Variants in GRB10 observed in about 807,000 individuals in gnomAD.
GRB10 encodes the protein growth factor receptor-bound protein 10.
A neutral mutation model predicts 80.9 loss-of-function variants in GRB10; 20 were observed. The ratio of observed to expected loss-of-function variants is 0.25; its 90% CI spans 0.17 to 0.36. GRB10 has a LOEUF of 0.36. GRB10 is among the 10% of genes least tolerant of loss of function. The pLI is 1.00. For synonymous variants in GRB10, 291 were observed against 291.5 expected (o/e 1.00, Z 0.02); for missense variants, 548 against 747.7 (o/e 0.73, Z 3.12).
intron 7 of GRB10, among the ~76,000 whole-genome samples, chr7:50,662,092 T>G (rs2153629872): frequency 6.6e-6 from 1 of 152,342 alleles, no homozygotes; most frequent in Non-Finnish European, 1.5e-5. Flanking sequence ...CTGGTGTTAC[T>G]ACTGTCATTA....
At position 50,591,765 on chromosome 7, in the gene GRB10, A is replaced by C. The variant is rs1185949069; in HGVS notation, c.*1187T>G. On this transcript the variant is annotated 3_prime_UTR_variant, in exon 19 of 19. Transcript: ENST00000401949. ...AGGAGCCTCTAGCTGCTCTGTGTTC[A>C]CTGGCTTATGGGGGTTTTCAGCAGG... 6.6e-6 allele frequency: 1 copy of C among 152,204 alleles called. No individual in the cohort carries two copies. Among genetic ancestry groups the C allele is most frequent in the Admixed American group, 6.5e-5 (1 of 15,278 alleles). The allele number at this position is 152,204 out of a possible 1,614,324, so 9.4% of individuals were successfully genotyped here.
chr7:50,766,458 G>A (rs1188872963), intron 2 of GRB10, among the ~76,000 whole-genome samples: 1 of 151,652 alleles, frequency 6.6e-6, no homozygotes, highest in Non-Finnish European at 1.5e-5. Context: ...TCCCTTAAAG[G>A]AGTTTTAAAA....
At chr7:50,630,700 T>C (rs1367450644) in intron 7 of GRB10, among the ~76,000 whole-genome samples, 1 of 152,146 alleles carries the variant, frequency 6.6e-6, no homozygotes, top group African/African-American at 2.4e-5. Context: ...AGCCCCTAAA[T>C]AGCAAATTGT....
intron 6 of GRB10, 133 bp from the exon 7 acceptor site, chr7:50,669,996 G>C: frequency 2.6e-6 from 3 of 1,150,688 alleles, no homozygotes; most frequent in Non-Finnish European, 3.8e-6. Flanking sequence ...GTTCACAGTG[G>C]CATCCTTCAC....
At chr7:50,739,150 G>C (rs2071308353) in intron 3 of GRB10, among the ~76,000 whole-genome samples, 1 of 152,146 alleles carries the variant, frequency 6.6e-6, no homozygotes, top group Non-Finnish European at 1.5e-5. Context: ...AGCTGAAGTT[G>C]AACGTCTTTG....
In GRB10 at chr7:50,720,527, C is replaced by A. The variant is rs548461406; in HGVS notation, c.51+11745G>T. Among the ~76,000 whole-genome samples the A allele has an allele frequency of 2.1e-4, 32 of 152,230 alleles. 1 individual carries two copies. The highest frequency in any genetic ancestry group is 2.1e-3 in the South Asian group (10 of 4,814). ...AAAGGCCCAGAGAGCAGAGGACAGG[C>A]ACATCCCGGACGGGGAGCCCAGCAC... On this transcript the variant is annotated intron_variant, in intron 4 of 18. Transcript: ENST00000401949.
intron 4 of GRB10, among the ~76,000 whole-genome samples, chr7:50,716,224 C>T (rs572852437): frequency 1.0e-3 from 152 of 152,316 alleles, no homozygotes; most frequent in African/African-American, 2.2e-3. Flanking sequence ...CAAGACAGCC[C>T]TCAGAAGGGT....
At chr7:50,729,962 T>G (rs142404046) in intron 4 of GRB10, among the ~76,000 whole-genome samples, 1 of 152,066 alleles carries the variant, frequency 6.6e-6, no homozygotes, top group East Asian at 1.9e-4. Context: ...ATCACAGCCC[T>G]TGACTCAGCT....
intron 4 of GRB10, among the ~76,000 whole-genome samples, chr7:50,715,182 A>G (rs1233185585): frequency 1.3e-5 from 2 of 151,354 alleles, no homozygotes; most frequent in African/African-American, 4.9e-5. Context: ...CTGGAGCTCC[A>G]GCCTGGGGCT....
chr7:50,717,478 CGTCACA>C (rs1170721482), intron 4 of GRB10, among the ~76,000 whole-genome samples: 1 of 152,006 alleles, frequency 6.6e-6, no homozygotes, highest in African/African-American at 2.4e-5. Flanking sequence ...CATGCGCATG[CGTCACA>C]GTCACATATA....
intron 5 of GRB10, among the ~76,000 whole-genome samples, chr7:50,688,179 A>T (rs2062334827): frequency 6.6e-6 from 1 of 152,248 alleles, no homozygotes; most frequent in Non-Finnish European, 1.5e-5. Flanking sequence ...CCACACAGCT[A>T]TGAGTAAAAC....
At chr7:50,594,721 A>G (rs1486772540) in intron 18 of GRB10, among the ~76,000 whole-genome samples, 1 of 152,236 alleles carries the variant, frequency 6.6e-6, no homozygotes, top group Non-Finnish European at 1.5e-5. Flanking sequence ...CACTCTAATC[A>G]TGAACTAGAA....
At chr7:50,716,233 G>T (rs927558672) in intron 4 of GRB10, among the ~76,000 whole-genome samples, 3 of 152,162 alleles carry the variant, frequency 2.0e-5, no homozygotes, top group African/African-American at 7.2e-5. Flanking sequence ...CCTCAGAAGG[G>T]TCCTGCCTCA....
intron 7 of GRB10, among the ~76,000 whole-genome samples, chr7:50,653,647 G>A (rs2058279864): frequency 1.3e-5 from 2 of 152,118 alleles, no homozygotes; most frequent in African/African-American, 4.8e-5. Context: ...TCCTCCCCTT[G>A]GAAATTGCCA....
chr7:50,685,812 A>G (rs1310478568), intron 5 of GRB10, among the ~76,000 whole-genome samples: 24 of 152,210 alleles, frequency 1.6e-4, no homozygotes, highest in Admixed American at 1.6e-3. Context: ...GTACCAGGCG[A>G]TTCCAAGAAA....
At chr7:50,747,114 A>C (rs1398231174) in intron 3 of GRB10, among the ~76,000 whole-genome samples, 1 of 152,052 alleles carries the variant, frequency 6.6e-6, no homozygotes, top group African/African-American at 2.4e-5. Context: ...AATTCTCTCT[A>C]AACTTATTTG....
chr7:50,618,067 G>A lies in GRB10; in HGVS notation c.846+4C>T. The A allele has an allele frequency of 1.2e-6, 2 of 1,609,772 alleles. No homozygotes were observed. Among genetic ancestry groups the A allele is most frequent in the Non-Finnish European group, 1.7e-6 (2 of 1,176,026 alleles). On this transcript the variant is annotated splice_donor_region_variant and intron_variant, in intron 10 of 18. Coordinates refer to ENST00000401949, the MANE Select transcript of GRB10 (RefSeq NM_001350814.2). ...TTCAGCAGAGATCTATTGTGGCCCA[G>A]TACCTGCAAAAGCTGGGTTTGACTG... is the stretch of plus-strand genomic sequence containing the variant.
chr7:50,636,565 G>A (rs1483946244), intron 7 of GRB10, among the ~76,000 whole-genome samples: 1 of 152,148 alleles, frequency 6.6e-6, no homozygotes, highest in Non-Finnish European at 1.5e-5. Context: ...AGGGATGCAA[G>A]GATAGTTTGA....
At chr7:50,787,708 G>A (rs903671528), upstream of GRB10, among the ~76,000 whole-genome samples, 22 of 152,294 alleles carry the variant, frequency 1.4e-4, no homozygotes, top group African/African-American at 3.8e-4. Flanking sequence ...TCCCTCCTGC[G>A]TCGCTCCATC....
Sources: allele counts gnomAD v4.1 joint callset (sites outside exome capture counted in the v4.1 genomes callset), GRCh38; gene constraint gnomAD v4.1.1; transcripts MANE v1.5; gene names NCBI Gene and HGNC (gene_info 2026-07-23, HGNC 2026-07-21).